Variants in AGTPBP1 observed in about 807,000 individuals in gnomAD.
AGTPBP1 encodes cytosolic carboxypeptidase 1.
A neutral mutation model predicts 143.9 loss-of-function variants in AGTPBP1; 70 were observed. The ratio of observed to expected loss-of-function variants is 0.49; its 90% CI spans 0.40 to 0.59. The LOEUF is 0.59. Ranked by LOEUF, AGTPBP1 falls within the 20% of genes least tolerant of loss-of-function variation. The pLI is 0.00. For missense variants in AGTPBP1, 1,229 were observed against 1,464.5 expected, an observed-to-expected ratio of 0.84 and a Z score of 2.62; for synonymous variants, 463 against 500.2, an observed-to-expected ratio of 0.93 and a Z score of 0.99.
At chr9:85,625,365 T>G (rs1831205682) in intron 14 of AGTPBP1, among the ~76,000 whole-genome samples, 1 of 152,202 alleles carries the variant, frequency 6.6e-6, no homozygotes, top group African/African-American at 2.4e-5. Context: ...TCAATTAGAT[T>G]TTAGCCAATC....
At chr9:85,561,757 A>C (rs947143384) in intron 25 of AGTPBP1, among the ~76,000 whole-genome samples, 3 of 152,106 alleles carry the variant, frequency 2.0e-5, no homozygotes, top group African/African-American at 7.2e-5. Context: ...ACAGCAACAG[A>C]TACGTTGAGG....
Position 85,683,678 on chromosome 9 carries a change from C to T in AGTPBP1, c.158-2343G>A, listed in dbSNP as rs148349917. ...AGTTTCTCGACCTCATAACAAAATC[C>T]TTCCCTCTGTGCTCCAATTCATCAA... On this transcript the variant is annotated intron_variant, in intron 3 of 25. Coordinates refer to ENST00000357081, the MANE Select transcript of AGTPBP1 (RefSeq NM_001330701.2). Among the ~76,000 whole-genome samples, 184 of 152,046 alleles carry T rather than the reference C, an allele frequency of 1.2e-3. 1 individual carries two copies. The highest frequency in any genetic ancestry group is 4.2e-3 in the African/African-American group (176 of 41,466).
chr9:85,689,956 A>G (rs1287220339), intron 3 of AGTPBP1, among the ~76,000 whole-genome samples: 1 of 143,786 alleles, frequency 7.0e-6, no homozygotes, highest in African/African-American at 2.6e-5. Flanking sequence ...ATCTTAAAGT[A>G]AAAATAAAAT....
At chr9:85,689,944 A>ATATC (rs1554726705) in intron 3 of AGTPBP1, among the ~76,000 whole-genome samples, 107 of 137,706 alleles carry the variant, frequency 7.8e-4, no homozygotes, top group Middle Eastern at 8.2e-3. Context: ...ATATATATAT[A>ATATC]TATCTTAAAG....
At chr9:85,755,296 A>G in the AGTPBP1 span, among the ~76,000 whole-genome samples, 11 of 152,120 alleles carry the variant, frequency 7.2e-5, no homozygotes, top group South Asian at 4.1e-4. Flanking sequence ...GCAGTGCTTC[A>G]TTACCGTGTC....
the AGTPBP1 span, among the ~76,000 whole-genome samples, chr9:85,747,339 T>C: frequency 2.0e-5 from 3 of 152,202 alleles, no homozygotes; most frequent in African/African-American, 7.2e-5. Context: ...TTTTTCAAGA[T>C]GATTTTGGCT....
At chr9:85,624,571 G>A (rs1831155232) in intron 14 of AGTPBP1, among the ~76,000 whole-genome samples, 1 of 152,002 alleles carries the variant, frequency 6.6e-6, no homozygotes, top group Non-Finnish European at 1.5e-5. Flanking sequence ...TTCCACTATT[G>A]CCTCAATTCC....
the AGTPBP1 span, among the ~76,000 whole-genome samples, chr9:85,794,135 T>C: frequency 9.2e-5 from 14 of 152,214 alleles, no homozygotes; most frequent in East Asian, 2.1e-3. Context: ...AGCTCACATA[T>C]ATATAAAGCT....
the AGTPBP1 span, among the ~76,000 whole-genome samples, chr9:85,799,844 C>A: frequency 6.6e-6 from 1 of 152,064 alleles, no homozygotes; most frequent in East Asian, 1.9e-4. Flanking sequence ...AAGAATGAGG[C>A]AATAAAATGT....
chr9:85,596,713 G>T (rs1420631076), intron 17 of AGTPBP1, among the ~76,000 whole-genome samples: 1 of 152,034 alleles, frequency 6.6e-6, no homozygotes, highest in Non-Finnish European at 1.5e-5. Flanking sequence ...CTTTCTACAT[G>T]AAATCAATTA....
At chr9:85,645,287 C>T (rs1832745921) in intron 12 of AGTPBP1, among the ~76,000 whole-genome samples, 1 of 152,094 alleles carries the variant, frequency 6.6e-6, no homozygotes, top group African/African-American at 2.4e-5. Context: ...ATCACTGATA[C>T]CCCAGTGAAT....
intron 1 of AGTPBP1, among the ~76,000 whole-genome samples, chr9:85,727,801 G>A (rs1157534383): frequency 1.3e-5 from 2 of 152,006 alleles, no homozygotes; most frequent in African/African-American, 4.8e-5. Context: ...AGGATCACTT[G>A]AGGCCAGGAG....
intron 18 of AGTPBP1, among the ~76,000 whole-genome samples, chr9:85,594,384 T>C (rs1399804210): frequency 1.3e-5 from 2 of 152,160 alleles, no homozygotes; most frequent in Non-Finnish European, 2.9e-5. Context: ...TTTGGGAGGC[T>C]GAGGCAGAGG....
the AGTPBP1 span, among the ~76,000 whole-genome samples, chr9:85,805,026 C>T: frequency 6.6e-6 from 1 of 152,184 alleles, no homozygotes; most frequent in Non-Finnish European, 1.5e-5. Context: ...GGGAGGCCTC[C>T]CTCCTTCCAC....
At chr9:85,791,266 C>T in the AGTPBP1 span, among the ~76,000 whole-genome samples, 2 of 151,272 alleles carry the variant, frequency 1.3e-5, no homozygotes, top group African/African-American at 4.9e-5. Flanking sequence ...CCCAGCTACT[C>T]GGGAGGCTGA....
chr9:85,624,866 T>C (rs1831172427), intron 14 of AGTPBP1, among the ~76,000 whole-genome samples: 1 of 152,234 alleles, frequency 6.6e-6, no homozygotes, highest in African/African-American at 2.4e-5. Context: ...TAGACTGCTT[T>C]TCCCTCCTTC....
intron 8 of AGTPBP1, among the ~76,000 whole-genome samples, chr9:85,665,456 A>G (rs1335097972): frequency 2.6e-5 from 4 of 152,170 alleles, no homozygotes; most frequent in South Asian, 2.1e-4. Flanking sequence ...CTATAAAACA[A>G]TAAATTTCTG....
intron 25 of AGTPBP1, among the ~76,000 whole-genome samples, chr9:85,548,600 T>C (rs1161694653): frequency 6.6e-6 from 1 of 152,178 alleles, no homozygotes; most frequent in Admixed American, 6.5e-5. Context: ...CTAAAATATT[T>C]AGTATGAATC....
intron 11 of AGTPBP1, among the ~76,000 whole-genome samples, chr9:85,654,565 G>A (rs62569176): frequency 0.017 from 2,553 of 152,068 alleles, 24 homozygotes; most frequent in Middle Eastern, 0.054. Context: ...AAGTTGGGCC[G>A]GGTGTGGTGG....
Sources: gnomAD v4.1 joint callset for allele counts (sites outside exome capture counted in the v4.1 genomes callset) on GRCh38, gnomAD v4.1.1 for gene constraint, MANE v1.5 for transcripts, NCBI Gene and HGNC (gene_info 2026-07-23, HGNC 2026-07-21) for gene names.